METAP1: variants seen among roughly 807,000 people sequenced by gnomAD.
METAP1 encodes methionine aminopeptidase 1.
Under a neutral mutation model 53.8 loss-of-function variants are expected in METAP1, and 28 were observed. The observed-to-expected ratio is 0.52, with a 90% CI of 0.39 to 0.71. METAP1 has a LOEUF of 0.71. METAP1 is among the 30% of genes least tolerant of loss of function. The pLI is 0.00. For missense variants in METAP1, 389 were observed against 479.8 expected, an observed-to-expected ratio of 0.81 and a Z score of 1.77; for synonymous variants, 181 against 165.7, an observed-to-expected ratio of 1.09 and a Z score of -0.71.
chr4:99,027,504 GAGTTC>G (rs1283543484), intron 1 of METAP1, among the ~76,000 whole-genome samples: 1 of 151,476 alleles, frequency 6.6e-6, no homozygotes, highest in Non-Finnish European at 1.5e-5. Context: ...CCTGCGGTAT[GAGTTC>G]AGTTAATGAA....
At chr4:99,027,597 T>C (rs969748400) in intron 1 of METAP1, among the ~76,000 whole-genome samples, 9 of 150,662 alleles carry the variant, frequency 6.0e-5, no homozygotes, top group African/African-American at 2.2e-4. Flanking sequence ...TACACATTCC[T>C]TGGGTTCTGA....
chr4:99,042,001 T>G (rs2110371744), intron 6 of METAP1, among the ~76,000 whole-genome samples: 1 of 152,122 alleles, frequency 6.6e-6, no homozygotes, highest in Non-Finnish European at 1.5e-5. Flanking sequence ...CTCAAGTGCT[T>G]CTTTTACATT....
At chr4:99,022,180 G>A (rs564771682) in intron 1 of METAP1, 27 of 347,466 alleles carry the variant, frequency 7.8e-5, no homozygotes, top group East Asian at 4.8e-4. Context: ...AAACTTCCAC[G>A]TTTGGGCCCT....
At chr4:99,058,619 G>A (rs1310034157) in intron 10 of METAP1, among the ~76,000 whole-genome samples, 1 of 152,120 alleles carries the variant, frequency 6.6e-6, no homozygotes. Context: ...TGTGTCCTGA[G>A]CCCTGTTTTA....
chr4:98,995,841 A>G lies in METAP1; in HGVS notation c.88A>G (p.Ile30Val), dbSNP rs899314790. The change falls in exon 1 of 11, where the codon ATC becomes GTC. Residue 30 changes from isoleucine to valine, a missense_variant. Coordinates refer to ENST00000296411, the MANE Select transcript of METAP1 (RefSeq NM_015143.3). ...LQCPTCIKLGIQGSYFCSQEC... is the reference protein window; with the variant it reads ...LQCPTCIKLGVQGSYFCSQEC... Reference sequence around the variant, plus strand: ...GTGTCCCACTTGCATCAAGCTGGGCATCCAGGGCTCGTACTTCTGCTCGCA... The same window carrying G: ...GTGTCCCACTTGCATCAAGCTGGGCGTCCAGGGCTCGTACTTCTGCTCGCA... 2.6e-6 allele frequency: 4 copies of G among 1,542,758 alleles called. No individual in the cohort carries two copies. In the African/African-American group the frequency reaches 4.2e-5, roughly 16 times the overall value.
At chr4:99,047,685 G>A (rs978582271) in intron 8 of METAP1, among the ~76,000 whole-genome samples, 6 of 152,170 alleles carry the variant, frequency 3.9e-5, no homozygotes, top group Admixed American at 2.6e-4. Flanking sequence ...CAGATAGGCT[G>A]AGTAGGAGAG....
chr4:98,996,268 C>G (rs1579221732), intron 1 of METAP1, among the ~76,000 whole-genome samples: 1 of 152,230 alleles, frequency 6.6e-6, no homozygotes, highest in Non-Finnish European at 1.5e-5. Flanking sequence ...TCGCGAGCCT[C>G]CACATCCGCA....
intron 9 of METAP1, among the ~76,000 whole-genome samples, chr4:99,052,641 A>T (rs1472326730): frequency 1.3e-5 from 2 of 152,212 alleles, no homozygotes; most frequent in Non-Finnish European, 2.9e-5. Flanking sequence ...GTCACTTTCC[A>T]CCAGGCCTCT....
chr4:99,020,544 A>T (rs905430487), intron 1 of METAP1, among the ~76,000 whole-genome samples: 11 of 152,094 alleles, frequency 7.2e-5, no homozygotes, highest in Admixed American at 1.3e-4. Flanking sequence ...CTGCTGCCTG[A>T]GGAGGAGGAG....
chr4:99,058,244 A>G (rs1052423424), intron 10 of METAP1, among the ~76,000 whole-genome samples: 2 of 152,120 alleles, frequency 1.3e-5, no homozygotes, highest in African/African-American at 4.8e-5. Flanking sequence ...GGTAGGTGTT[A>G]CCCCATTATA....
intron 1 of METAP1, among the ~76,000 whole-genome samples, chr4:99,009,542 G>T (rs867268428): frequency 3.2e-4 from 49 of 152,004 alleles, no homozygotes; most frequent in African/African-American, 1.0e-3. Flanking sequence ...TTTCTGTTTT[G>T]TTTTTTTCAT....
At position 99,057,746 on chromosome 4, in the gene METAP1, A is replaced by G. The variant is rs989101242; in HGVS notation, c.932-7A>G. The G allele has an allele frequency of 5.1e-6, 8 of 1,575,690 alleles. No individual in the cohort carries two copies. The highest frequency in any genetic ancestry group is 1.4e-5 in the African/African-American group (1 of 73,948). On this transcript the variant is annotated splice_polypyrimidine_tract_variant and splice_region_variant and intron_variant, in intron 9 of 10. Coordinates refer to ENST00000296411, the MANE Select transcript of METAP1 (RefSeq NM_015143.3). ...CTACCTTTTGAGATTTTTTTCTTTG[A>G]TTTCAGAAAATAAAGCAGTTGGAGT...
intron 1 of METAP1, among the ~76,000 whole-genome samples, chr4:98,998,924 C>A (rs1722784295): frequency 6.6e-6 from 1 of 152,032 alleles, no homozygotes; most frequent in Admixed American, 6.6e-5. Flanking sequence ...AGTTCTCCTG[C>A]CTCAGCCTCG....
chr4:99,026,452 G>A, intron 1 of METAP1: 1 of 985,376 alleles, frequency 1.0e-6, no homozygotes, highest in Non-Finnish European at 1.2e-6. Flanking sequence ...TAATGGAATG[G>A]GTAAAGCTTC....
intron 2 of METAP1, among the ~76,000 whole-genome samples, chr4:99,033,750 T>A (rs1725226877): frequency 6.6e-6 from 1 of 152,200 alleles, no homozygotes; most frequent in Admixed American, 6.5e-5. Context: ...TTGTGAGAAA[T>A]AATTATTTTT....
At chr4:99,051,614 C>T (rs1469565801) in intron 9 of METAP1, among the ~76,000 whole-genome samples, 2 of 152,114 alleles carry the variant, frequency 1.3e-5, no homozygotes, top group African/African-American at 4.8e-5. Context: ...TGATATCAAA[C>T]TCCTGGGCTC....
In METAP1 at chr4:98,995,723, CGGTGA is replaced by C; in HGVS notation, c.-28_-24del. 6.6e-7 allele frequency: 1 copy of C among 1,526,426 alleles called. No individual in the cohort carries two copies. Among genetic ancestry groups the C allele is most frequent in the Middle Eastern group, 1.8e-4 (1 of 5,658 alleles). The allele number at this position is 1,526,426 out of a possible 1,614,324, so 94.6% of individuals were successfully genotyped here. On this transcript the variant is annotated 5_prime_UTR_variant, in exon 1 of 11. Coordinates refer to ENST00000296411, the MANE Select transcript of METAP1 (RefSeq NM_015143.3). ...CTCCCTCCCGCCGCCGCCTCTTCCT[CGGTGA>C]GGCGCTCTTCCAGCGGGCAGGCAGC...
At chr4:99,006,962 C>CT (rs377025900) in intron 1 of METAP1, among the ~76,000 whole-genome samples, 3,864 of 141,934 alleles carry the variant, frequency 0.027, 133 homozygotes, top group African/African-American at 0.085. Context: ...TTGTGAAACA[C>CT]TTTTTTTTTT....
intron 2 of METAP1, among the ~76,000 whole-genome samples, chr4:99,030,518 C>T (rs1386173741): frequency 6.6e-6 from 1 of 152,114 alleles, no homozygotes; most frequent in Admixed American, 6.5e-5. Flanking sequence ...GGATAGAGAT[C>T]ATCCTTAGGT....
Sources: gnomAD v4.1 joint callset for allele counts (sites outside exome capture counted in the v4.1 genomes callset) on GRCh38, gnomAD v4.1.1 for gene constraint, MANE v1.5 for transcripts, NCBI Gene and HGNC (gene_info 2026-07-23, HGNC 2026-07-21) for gene names.